Variants in ZNF804A observed in about 807,000 individuals in gnomAD.
ZNF804A encodes the protein zinc finger protein 804A.
In ZNF804A, 2 loss-of-function variants were observed where a neutral mutation model predicts 16.5. The ratio of observed to expected loss-of-function variants is 0.12; its 90% CI spans 0.05 to 0.38. The LOEUF (loss-of-function observed/expected upper bound fraction) is 0.38, where lower values mean the gene tolerates loss of function less well. Among genes scored for constraint, ZNF804A ranks in the 10% least tolerant of loss-of-function variants. The pLI is 0.99. For missense variants in ZNF804A, 1,473 were observed against 1,390.7 expected (o/e 1.06, Z -0.94); for synonymous variants, 534 against 489.6 (o/e 1.09, Z -1.20).
intron 1 of ZNF804A, among the ~76,000 whole-genome samples, chr2:184,851,588 C>T (rs989152509): frequency 6.6e-6 from 1 of 151,778 alleles, no homozygotes; most frequent in South Asian, 2.1e-4. Flanking sequence ...CTTCATGCAT[C>T]TATGGAGGTT....
chr2:184,859,267 AAATTCCATAAGGATCT>A (rs1426822615), intron 1 of ZNF804A, among the ~76,000 whole-genome samples: 1 of 152,030 alleles, frequency 6.6e-6, no homozygotes, highest in African/African-American at 2.4e-5. Flanking sequence ...GCTGTTCAAT[AAATTCCATAAGGATCT>A]TTTATTCTTT....
At chr2:184,793,019 G>A (rs1001114151) in intron 1 of ZNF804A, among the ~76,000 whole-genome samples, 4 of 152,062 alleles carry the variant, frequency 2.6e-5, no homozygotes, top group African/African-American at 9.7e-5. Context: ...GTGAGAACAT[G>A]TAGTATTTGG....
At chr2:184,819,512 A>G (rs1177990083) in intron 1 of ZNF804A, among the ~76,000 whole-genome samples, 1 of 152,062 alleles carries the variant, frequency 6.6e-6, no homozygotes, top group East Asian at 1.9e-4. Flanking sequence ...AAAAGTAACT[A>G]GAGAACCAAG....
chr2:184,641,559 A>G (rs1376595461), intron 1 of ZNF804A, among the ~76,000 whole-genome samples: 1 of 152,222 alleles, frequency 6.6e-6, no homozygotes, highest in African/African-American at 2.4e-5. Flanking sequence ...TATTTAAATC[A>G]TATCTTGAAA....
chr2:184,770,626 A>T (rs1694194804), intron 1 of ZNF804A, among the ~76,000 whole-genome samples: 1 of 147,532 alleles, frequency 6.8e-6, no homozygotes, highest in African/African-American at 2.7e-5. Flanking sequence ...CAAAAAGAAA[A>T]TGTTGGTCTT....
In ZNF804A at chr2:184,625,194, A is replaced by T. The variant is rs137926511; in HGVS notation, c.111+26124A>T. Among the ~76,000 whole-genome samples, 7 of 152,290 alleles carry T rather than the reference A, an allele frequency of 4.6e-5. No homozygotes were observed. The East Asian group carries it at 1.4e-3, about 29-fold the overall frequency. On this transcript the variant is annotated intron_variant, in intron 1 of 3. Transcript: ENST00000302277. Reference sequence around the variant, plus strand: ...AATGTGGGTTTTTCCCCTCTAGTAGATATCAATTTCAGTAATGCAGCATGT... The same window carrying T: ...AATGTGGGTTTTTCCCCTCTAGTAGTTATCAATTTCAGTAATGCAGCATGT...
At position 184,939,295 on chromosome 2, in the gene ZNF804A, G is replaced by A. The variant is rs1347832971; in HGVS notation, c.*269G>A. The A allele has an allele frequency of 2.4e-5, 7 of 288,002 alleles. No homozygotes were observed. The highest frequency in any genetic ancestry group is 1.1e-4 in the African/African-American group (5 of 46,262). The allele number at this position is 288,002 out of a possible 1,614,324, so 17.8% of individuals were successfully genotyped here. ...ATGATGTCTTAAGAGTATGTATAAT[G>A]TACATAAAATATATTTATAGTACTC... On this transcript the variant is annotated 3_prime_UTR_variant, in exon 4 of 4. Transcript: ENST00000302277.
intron 1 of ZNF804A, among the ~76,000 whole-genome samples, chr2:184,796,089 C>G (rs902559682): frequency 6.6e-6 from 1 of 151,918 alleles, no homozygotes; most frequent in African/African-American, 2.4e-5. Flanking sequence ...GTTGGATTAT[C>G]TTTTTGATAT....
intron 1 of ZNF804A, among the ~76,000 whole-genome samples, chr2:184,705,966 T>A (rs1693024440): frequency 6.6e-6 from 1 of 152,196 alleles, no homozygotes; most frequent in Admixed American, 6.5e-5. Context: ...AGAGGCTGAC[T>A]GCTATTCACT....
At chr2:184,913,136 C>T (rs944750389) in intron 2 of ZNF804A, among the ~76,000 whole-genome samples, 15 of 151,984 alleles carry the variant, frequency 9.9e-5, no homozygotes, top group Admixed American at 2.0e-4. Context: ...CAATACCATT[C>T]TTTTGCAAAC....
At chr2:184,614,023 G>T (rs1691281604) in intron 1 of ZNF804A, among the ~76,000 whole-genome samples, 1 of 152,106 alleles carries the variant, frequency 6.6e-6, no homozygotes, top group African/African-American at 2.4e-5. Context: ...CATGCTATCT[G>T]ACTTCAAACT....
intron 1 of ZNF804A, among the ~76,000 whole-genome samples, chr2:184,824,812 G>A (rs903229361): frequency 2.6e-5 from 4 of 152,064 alleles, no homozygotes; most frequent in Non-Finnish European, 5.9e-5. Context: ...CTCATGCTGG[G>A]ACTGGCAGCC....
chr2:184,802,130 T>C (rs1447635454), intron 1 of ZNF804A, among the ~76,000 whole-genome samples: 1 of 152,150 alleles, frequency 6.6e-6, no homozygotes, highest in African/African-American at 2.4e-5. Flanking sequence ...GAAGAAAGGG[T>C]ACCTTTCAGA....
chr2:184,725,886 T>G (rs1175592066), intron 1 of ZNF804A, among the ~76,000 whole-genome samples: 18 of 151,718 alleles, frequency 1.2e-4, no homozygotes, highest in Non-Finnish European at 2.5e-4. Flanking sequence ...TCATATAGTT[T>G]CTGAATCTTT....
At chr2:184,931,165 G>T (rs1685693059) in intron 2 of ZNF804A, among the ~76,000 whole-genome samples, 1 of 152,154 alleles carries the variant, frequency 6.6e-6, no homozygotes, top group Non-Finnish European at 1.5e-5. Flanking sequence ...GTTTTTCCAG[G>T]CACATGGTAT....
At chr2:184,827,148 C>A (rs1695180140) in intron 1 of ZNF804A, among the ~76,000 whole-genome samples, 1 of 151,542 alleles carries the variant, frequency 6.6e-6, no homozygotes, top group Non-Finnish European at 1.5e-5. Context: ...TGAAAATGGT[C>A]AGCATATTTA....
At chr2:184,898,862 C>A (rs1031073666) in intron 2 of ZNF804A, among the ~76,000 whole-genome samples, 5 of 151,678 alleles carry the variant, frequency 3.3e-5, no homozygotes, top group South Asian at 2.1e-4. Context: ...TGATTGTTTA[C>A]AACATAAATT....
chr2:184,719,279 G>A (rs1218602592), intron 1 of ZNF804A, among the ~76,000 whole-genome samples: 1 of 151,990 alleles, frequency 6.6e-6, no homozygotes, highest in Non-Finnish European at 1.5e-5. Flanking sequence ...CCCCACCCAT[G>A]AAACCATTTT....
At chr2:184,887,998 G>T (rs184828175) in intron 2 of ZNF804A, among the ~76,000 whole-genome samples, 2 of 152,032 alleles carry the variant, frequency 1.3e-5, no homozygotes, top group Non-Finnish European at 1.5e-5. Flanking sequence ...GTACGGTAAC[G>T]GTTGAAGAAC....
Sources: gnomAD v4.1 joint callset for allele counts (sites outside exome capture counted in the v4.1 genomes callset) on GRCh38, gnomAD v4.1.1 for gene constraint, MANE v1.5 for transcripts, NCBI Gene and HGNC (gene_info 2026-07-23, HGNC 2026-07-21) for gene names.